SLC16A9: variants seen among roughly 807,000 people sequenced by gnomAD.
SLC16A9 encodes monocarboxylate transporter 9.
Under a neutral mutation model 44.3 loss-of-function variants are expected in SLC16A9, and 26 were observed. That is an observed-to-expected ratio of 0.59 (90% CI 0.43 to 0.81). The LOEUF (loss-of-function observed/expected upper bound fraction) is 0.81. Among genes scored for constraint, SLC16A9 ranks in the 40% least tolerant of loss-of-function variants. SLC16A9 has a pLI of 0.00. For synonymous variants in SLC16A9, 230 were observed against 225.1 expected (o/e 1.02, Z -0.19); for missense variants, 559 against 595.8 (o/e 0.94, Z 0.64).
intron 2 of SLC16A9, among the ~76,000 whole-genome samples, chr10:59,677,990 C>G (rs1223750071): frequency 2.6e-5 from 4 of 151,530 alleles, no homozygotes; most frequent in Non-Finnish European, 5.9e-5. Context: ...CACCCACTAA[C>G]TCGCCCTCTA....
In SLC16A9 at chr10:59,652,406, G is replaced by A. The variant is rs1233851854; in HGVS notation, c.*366C>T. 6.3e-6 allele frequency: 1 copy of A among 158,164 alleles called. No individual in the cohort carries two copies. The highest frequency in any genetic ancestry group is 6.4e-5 in the Admixed American group (1 of 15,538). The allele number at this position is 158,164 out of a possible 1,614,324, so 9.8% of individuals were successfully genotyped here. A position where few individuals can be genotyped will look rare whatever the true frequency, so the allele number is the denominator to read the frequency against. On this transcript the variant is annotated 3_prime_UTR_variant, in exon 6 of 6. Coordinates refer to ENST00000395348, the MANE Select transcript of SLC16A9 (RefSeq NM_194298.3). ...TTGCATCACTTTTAAAATAGGAGCA[G>A]TCTCTCTAGGTGCCTTGCAGTGGAT...
chr10:59,700,033 G>A (rs957846172), intron 1 of SLC16A9, among the ~76,000 whole-genome samples: 1 of 151,910 alleles, frequency 6.6e-6, no homozygotes, highest in Non-Finnish European at 1.5e-5. Flanking sequence ...TTTCCTGATG[G>A]AAAGAAAAGT....
intron 1 of SLC16A9, among the ~76,000 whole-genome samples, chr10:59,693,133 G>A (rs927854087): frequency 3.9e-5 from 6 of 152,056 alleles, no homozygotes; most frequent in South Asian, 2.1e-4. Flanking sequence ...GTGCATCTGC[G>A]GTCATCAGCT....
intron 2 of SLC16A9, among the ~76,000 whole-genome samples, chr10:59,678,012 A>G (rs1839896418): frequency 6.7e-6 from 1 of 148,260 alleles, no homozygotes; most frequent in Non-Finnish European, 1.5e-5. Flanking sequence ...CATTAGGTAT[A>G]TCTCCCAATG....
chr10:59,694,714 C>T (rs755580380), intron 1 of SLC16A9, among the ~76,000 whole-genome samples: 18 of 149,700 alleles, frequency 1.2e-4, no homozygotes, highest in East Asian at 2.0e-4. Context: ...ACAGGAGAAT[C>T]GCTTAAACCC....
intron 1 of SLC16A9, among the ~76,000 whole-genome samples, chr10:59,691,168 T>C (rs776034051): frequency 1.1e-4 from 17 of 152,210 alleles, no homozygotes; most frequent in Admixed American, 6.5e-4. Flanking sequence ...TTATGATCCA[T>C]GCATACATTC....
intron 1 of SLC16A9, among the ~76,000 whole-genome samples, chr10:59,703,726 GTTT>G (rs983613868): frequency 6.8e-6 from 1 of 146,760 alleles, no homozygotes; most frequent in Admixed American, 6.7e-5. Context: ...TTTTTTTTTC[GTTT>G]TTTTTTTGAG....
At chr10:59,665,528 T>C (rs879288127) in intron 3 of SLC16A9, among the ~76,000 whole-genome samples, 6 of 152,168 alleles carry the variant, frequency 3.9e-5, no homozygotes, top group Admixed American at 2.0e-4. Flanking sequence ...CCTTTAAAAA[T>C]AGAGTGCCCT....
chr10:59,686,367 T>C (rs1312144223), intron 1 of SLC16A9, among the ~76,000 whole-genome samples: 1 of 152,202 alleles, frequency 6.6e-6, no homozygotes, highest in Non-Finnish European at 1.5e-5. Flanking sequence ...AATCAGATGA[T>C]GCTTTCATTA....
Position 59,672,927 on chromosome 10 carries a change from T to G in SLC16A9, c.197-14A>C. ...TGCAGACAGGACCTAAAAAAAGAAATGAAACCTTCACTTATTATCATATGA... is the reference window on the plus strand; with the variant it reads ...TGCAGACAGGACCTAAAAAAAGAAAGGAAACCTTCACTTATTATCATATGA... On this transcript the variant is annotated splice_polypyrimidine_tract_variant and intron_variant, in intron 2 of 5. Coordinates refer to ENST00000395348, the MANE Select transcript of SLC16A9 (RefSeq NM_194298.3). The G allele has an allele frequency of 6.3e-7, 1 of 1,595,398 alleles. No individual in the cohort carries two copies. Among genetic ancestry groups the G allele is most frequent in the Non-Finnish European group, 8.5e-7 (1 of 1,174,418 alleles).
intron 1 of SLC16A9, among the ~76,000 whole-genome samples, chr10:59,696,830 G>A (rs1840393708): frequency 6.6e-6 from 1 of 150,508 alleles, no homozygotes; most frequent in Non-Finnish European, 1.5e-5. Flanking sequence ...CCGCCCGGCA[G>A]CCACACCGTC....
intron 1 of SLC16A9, among the ~76,000 whole-genome samples, chr10:59,688,873 C>A (rs556022276): frequency 5.9e-5 from 9 of 151,692 alleles, no homozygotes; most frequent in Non-Finnish European, 1.2e-4. Context: ...TGGGAGGTTG[C>A]GGGCAATGGG....
chr10:59,684,833 G>C (rs1471418476), intron 1 of SLC16A9, among the ~76,000 whole-genome samples: 3 of 152,220 alleles, frequency 2.0e-5, no homozygotes. Context: ...GATGTGCTGA[G>C]CTGGGTGCTG....
At chr10:59,656,249 C>T (rs1214419991) in intron 4 of SLC16A9, among the ~76,000 whole-genome samples, 2 of 152,182 alleles carry the variant, frequency 1.3e-5, no homozygotes, top group East Asian at 1.9e-4. Context: ...TTAAAAACAG[C>T]AGGGTGACCT....
intron 4 of SLC16A9, among the ~76,000 whole-genome samples, chr10:59,662,633 CAAAAAA>C (rs71006278): frequency 4.6e-5 from 2 of 43,634 alleles, no homozygotes; most frequent in East Asian, 1.3e-3. Flanking sequence ...AACTCCATCT[CAAAAAA>C]AAAAAAAAAA....
chr10:59,709,318 C>T (rs1840713141), intron 1 of SLC16A9, among the ~76,000 whole-genome samples, 161 bp downstream of exon 1: 1 of 152,154 alleles, frequency 6.6e-6, no homozygotes, highest in Non-Finnish European at 1.5e-5. Context: ...CGTGGACACT[C>T]GAAGCCCCCG....
intron 4 of SLC16A9, among the ~76,000 whole-genome samples, chr10:59,658,248 G>A (rs1196746823): frequency 6.6e-6 from 1 of 151,980 alleles, no homozygotes; most frequent in East Asian, 1.9e-4. Context: ...TCCAGACCAA[G>A]CCAATGTACA....
At chr10:59,653,259 C>A (rs28631153) in intron 5 of SLC16A9, among the ~76,000 whole-genome samples, 2,719 of 146,882 alleles carry the variant, frequency 0.019, 111 homozygotes, top group African/African-American at 0.066. Flanking sequence ...CTCTACTAAA[C>A]AACAACAACA....
At chr10:59,698,830 C>T (rs982357699) in intron 1 of SLC16A9, among the ~76,000 whole-genome samples, 2 of 151,958 alleles carry the variant, frequency 1.3e-5, no homozygotes, top group East Asian at 1.9e-4. Flanking sequence ...CTCCACCTCC[C>T]GGGTTCAAGC....
Sources: allele counts gnomAD v4.1 joint callset (sites outside exome capture counted in the v4.1 genomes callset), GRCh38; gene constraint gnomAD v4.1.1; transcripts MANE v1.5; gene names NCBI Gene and HGNC (gene_info 2026-07-23, HGNC 2026-07-21).